Variants in HSPA4 observed in about 807,000 individuals in gnomAD.
HSPA4 encodes heat shock 70 kDa protein 4.
In HSPA4, 25 loss-of-function variants were observed where a neutral mutation model predicts 106.2. The ratio of observed to expected loss-of-function variants is 0.24; its 90% CI spans 0.17 to 0.33. HSPA4 has a LOEUF of 0.33. Ranked by LOEUF, HSPA4 falls within the 10% of genes least tolerant of loss-of-function variation. The pLI is 1.00. For missense variants in HSPA4, 841 were observed against 996.0 expected (o/e 0.84, Z 2.10); for synonymous variants, 332 against 333.6 (o/e 1.00, Z 0.05).
rs57230598 is a variant in HSPA4 at position 133,092,806 on chromosome 5, GTTTTTT to G, written c.1650+44_1650+49del. Reference sequence around the variant, plus strand: ...GAAATGGAGGTATGCATTGGGTGGTGTTTTTTTTTTTTTTTTTTTTTTTTTTTTTTT... The same window carrying G: ...GAAATGGAGGTATGCATTGGGTGGTGTTTTTTTTTTTTTTTTTTTTTTTTT... On this transcript the variant is annotated intron_variant, in intron 13 of 18. Transcript: ENST00000304858. The G allele has an allele frequency of 0.035, 16,245 of 470,508 alleles. 505 individuals are homozygous for G. The highest frequency in any genetic ancestry group is 0.038 in the East Asian group (493 of 12,914). The allele number at this position is 470,508 out of a possible 1,614,324, so 29.1% of individuals were successfully genotyped here.
chr5:133,092,649 A>G (rs191667263), intron 12 of HSPA4, 51 bp from the exon 13 acceptor site: 6 of 1,155,716 alleles, frequency 5.2e-6, no homozygotes, highest in Non-Finnish European at 6.5e-6. Flanking sequence ...ATGTGTAATG[A>G]AGGTTGTTTA....
At chr5:133,058,452 C>T (rs1017311940) in intron 1 of HSPA4, among the ~76,000 whole-genome samples, 2 of 151,974 alleles carry the variant, frequency 1.3e-5, no homozygotes, top group South Asian at 2.1e-4. Flanking sequence ...CTGAGGTGGG[C>T]GGGTCGCCTG....
At chr5:133,067,173 T>A (rs1765317662) in intron 2 of HSPA4, among the ~76,000 whole-genome samples, 1 of 152,206 alleles carries the variant, frequency 6.6e-6, no homozygotes, top group South Asian at 2.1e-4. Context: ...ATGACCTGAC[T>A]TCATGGGATA....
chr5:133,092,886 T>C, intron 13 of HSPA4, 97 bp downstream of exon 13: 1 of 705,826 alleles, frequency 1.4e-6, no homozygotes, highest in South Asian at 1.9e-5. Flanking sequence ...AGTGACATGA[T>C]CTCGGCTCGC....
intron 4 of HSPA4, 119 bp downstream of exon 4, chr5:133,070,615 T>G: frequency 7.9e-7 from 1 of 1,262,886 alleles, no homozygotes; most frequent in East Asian, 2.7e-5. Flanking sequence ...TTAAAATGTT[T>G]GTCAGGCCGG....
intron 1 of HSPA4, 60 bp downstream of exon 1, chr5:133,052,417 C>T (rs112622701): frequency 2.6e-6 from 3 of 1,146,654 alleles, no homozygotes; most frequent in Non-Finnish European, 3.6e-6. Context: ...TTGTTCCAGT[C>T]TGGGACCCTC....
At chr5:133,084,760 G>A (rs1320434470) in intron 7 of HSPA4, among the ~76,000 whole-genome samples, 1 of 152,002 alleles carries the variant, frequency 6.6e-6, no homozygotes, top group Non-Finnish European at 1.5e-5. Context: ...ATGAGCCACC[G>A]CACCCAGCCT....
rs768011328 is a variant in HSPA4 at position 133,097,157 on chromosome 5, T to G, written c.1804-4T>G. On this transcript the variant is annotated splice_region_variant and splice_polypyrimidine_tract_variant and intron_variant, in intron 14 of 18. Coordinates refer to ENST00000304858, the MANE Select transcript of HSPA4 (RefSeq NM_002154.4). ...TCTGATTTATACATAATATTTATTC[T>G]CAGGGTAAGATGATCATGCAGGATA... 5.0e-6 allele frequency: 8 copies of G among 1,606,746 alleles called. No individual in the cohort carries two copies. Among genetic ancestry groups the G allele is most frequent in the Non-Finnish European group, 6.8e-6 (8 of 1,174,080 alleles).
Position 133,105,558 on chromosome 5 carries a change from C to G in HSPA4, c.*1122C>G, listed in dbSNP as rs1428616967. ...ATGTCAGGTATACCAAAGCATTCCT[C>G]TGACTGCTTTTTGGGGCAGTGTTGA... On this transcript the variant is annotated 3_prime_UTR_variant, in exon 19 of 19. Coordinates refer to ENST00000304858, the MANE Select transcript of HSPA4 (RefSeq NM_002154.4). 6.6e-6 allele frequency: 1 copy of G among 152,174 alleles called. No homozygotes were observed. The highest frequency in any genetic ancestry group is 1.5e-5 in the Non-Finnish European group (1 of 68,028). The allele number at this position is 152,174 out of a possible 1,614,324, so 9.4% of individuals were successfully genotyped here.
intron 15 of HSPA4, among the ~76,000 whole-genome samples, chr5:133,098,374 C>T (rs1765741108): frequency 2.6e-5 from 4 of 152,122 alleles, no homozygotes; most frequent in Admixed American, 6.5e-5. Flanking sequence ...TGCGGTGACG[C>T]GATCTTGGCT....
At chr5:133,095,038 G>A (rs370628717) in intron 13 of HSPA4, among the ~76,000 whole-genome samples, 34 of 152,090 alleles carry the variant, frequency 2.2e-4, no homozygotes, top group African/African-American at 8.2e-4. Context: ...TAGAAGAGTC[G>A]CTGTGGCTCA....
At chr5:133,063,968 G>T (rs1161605014) in intron 1 of HSPA4, among the ~76,000 whole-genome samples, 1 of 151,798 alleles carries the variant, frequency 6.6e-6, no homozygotes, top group African/African-American at 2.4e-5. Flanking sequence ...CACCATGTTG[G>T]CCTGGCTAGT....
chr5:133,099,548 C>A lies in HSPA4; in HGVS notation c.1933C>A (p.Arg645Ser). The A allele has an allele frequency of 6.5e-7, 1 of 1,531,990 alleles. No homozygotes were observed. Among genetic ancestry groups the A allele is most frequent in the Non-Finnish European group, 9.0e-7 (1 of 1,107,626 alleles). 94.9% of individuals were successfully genotyped at this position (1,531,990 alleles called of 1,614,324 possible). A position where few individuals can be genotyped will look rare whatever the true frequency, so the allele number is the denominator to read the frequency against. Residue 645 changes from arginine to serine, a missense_variant, in exon 16 of 19, where the codon CGT (arginine) becomes AGT (serine). This residue lies in a region of HSPA4 where 328 missense variants were observed against 372.2 expected (regional missense o/e 0.88). Transcript: ENST00000304858. ...EYEKFVSEDDRNSFTLKLEDT... is the reference protein window; with the variant it reads ...EYEKFVSEDDSNSFTLKLEDT... ...ATAATATTTTCTTTATCATTAGGATCGTAACAGTTTTACTTTGAAACTGGA... is the reference window on the plus strand; with the variant it reads ...ATAATATTTTCTTTATCATTAGGATAGTAACAGTTTTACTTTGAAACTGGA...
rs1160788175 is a variant in HSPA4 at position 133,104,909 on chromosome 5, A to G, written c.*473A>G. The G allele has an allele frequency of 6.0e-6, 1 of 165,708 alleles. No homozygotes were observed. The highest frequency in any genetic ancestry group is 2.4e-5 in the African/African-American group (1 of 41,526). 10.3% of individuals were successfully genotyped at this position (165,708 alleles called of 1,614,324 possible). On this transcript the variant is annotated 3_prime_UTR_variant, in exon 19 of 19. Transcript: ENST00000304858. The stretch of plus-strand genomic sequence containing the variant: ...TGTGAGGGCTGGAGCATGGCACGGC[A>G]TGGATTAACACGGCAGAGGAACAAA...
rs146116932 is a variant in HSPA4, at chr5:133,056,010, G to A, written c.107+3653G>A. The stretch of plus-strand genomic sequence containing the variant: ...GAAGAATCGCTTGAACCTGGTAGGT[G>A]GAGGTTGCAGTGAACCGAGATCATG... On this transcript the variant is annotated intron_variant, in intron 1 of 18. Coordinates refer to ENST00000304858, the MANE Select transcript of HSPA4 (RefSeq NM_002154.4). 2.0e-3 allele frequency among the ~76,000 whole-genome samples: 303 copies of A among 152,182 alleles called. 2 individuals carry two copies. Among genetic ancestry groups the A allele is most frequent in the African/African-American group, 6.8e-3 (284 of 41,524 alleles).
chr5:133,096,647 T>G (rs1316313057), intron 14 of HSPA4, among the ~76,000 whole-genome samples: 1 of 152,212 alleles, frequency 6.6e-6, no homozygotes, highest in Non-Finnish European at 1.5e-5. Flanking sequence ...CTTATTCCTT[T>G]CCGTTGCCAG....
intron 13 of HSPA4, among the ~76,000 whole-genome samples, chr5:133,093,622 C>A (rs1765677563): frequency 6.6e-6 from 1 of 152,050 alleles, no homozygotes; most frequent in South Asian, 2.1e-4. Flanking sequence ...TCCTGGGTAG[C>A]TGGGACTACA....
In HSPA4 at chr5:133,067,238, C is replaced by T. The variant is rs184817840; in HGVS notation, c.166-179C>T. ...TGCCACTCTGAGACCCATGCAAATCCCTCCTCCCTCACTTCGCATGCTAGT... is the reference window on the plus strand; with the variant it reads ...TGCCACTCTGAGACCCATGCAAATCTCTCCTCCCTCACTTCGCATGCTAGT... On this transcript the variant is annotated intron_variant, in intron 2 of 18. Transcript: ENST00000304858. Among the ~76,000 whole-genome samples the T allele has an allele frequency of 9.1e-4, 139 of 152,172 alleles. No homozygotes were observed. The East Asian group carries it at 0.019, about 21-fold the overall frequency.
chr5:133,052,336 A>G lies in HSPA4; in HGVS notation c.86A>G (p.Glu29Gly). The change falls in exon 1 of 19, where the codon GAG (glutamate) becomes GGG (glycine). Residue 29 changes from glutamate (E) to glycine (G), a missense_variant. Physicochemically the swap from Glu to Gly is moderately conservative, Grantham distance 98. This residue lies in a region of HSPA4 where 347 missense variants were observed against 408.7 expected (regional missense o/e 0.85). Coordinates refer to ENST00000304858, the MANE Select transcript of HSPA4 (RefSeq NM_002154.4). The stretch of plus-strand genomic sequence containing the variant: ...GGCGGCATCGAGACTATCGCTAATG[A>G]GTATAGCGACCGCTGCACGCCGTAA... ...RAGGIETIAN[E>G]YSDRCTPACI... The G allele has an allele frequency of 6.4e-7, 1 of 1,572,804 alleles. No individual in the cohort carries two copies. Among genetic ancestry groups the G allele is most frequent in the Non-Finnish European group, 8.6e-7 (1 of 1,161,580 alleles).
Sources: gnomAD v4.1 joint callset for allele counts (sites outside exome capture counted in the v4.1 genomes callset) on GRCh38, gnomAD v4.1.1 for gene constraint, gnomAD v4.1.1 regional missense constraint, MANE v1.5 for transcripts, NCBI Gene and HGNC (gene_info 2026-07-23, HGNC 2026-07-21) for gene names.